SCG5: variants seen among roughly 807,000 people sequenced by gnomAD.
The protein encoded by SCG5 is neuroendocrine protein 7B2.
In SCG5, 18 loss-of-function variants were observed where a neutral mutation model predicts 25.7. That is an observed-to-expected ratio of 0.70 (90% confidence interval 0.48 to 1.04). The LOEUF is 1.04. SCG5 is among the 50% of genes least tolerant of loss of function. SCG5 has a pLI of 0.00. For missense variants in SCG5, 206 were observed against 259.8 expected (o/e 0.79, Z 1.42); for synonymous variants, 101 against 91.7 (o/e 1.10, Z -0.58).
At chr15:32,646,855 A>G (rs113889599) in intron 2 of SCG5, among the ~76,000 whole-genome samples, 2 of 152,324 alleles carry the variant, frequency 1.3e-5, no homozygotes, top group Non-Finnish European at 2.9e-5. Context: ...TGACAGACAC[A>G]TGGAGTATCT....
chr15:32,663,380 T>A (rs976211315), intron 2 of SCG5, among the ~76,000 whole-genome samples: 1 of 151,926 alleles, frequency 6.6e-6, no homozygotes, highest in Non-Finnish European at 1.5e-5. Flanking sequence ...GTCTGTGAAT[T>A]TGCCTCTTCT....
intron 2 of SCG5, among the ~76,000 whole-genome samples, chr15:32,649,413 G>A (rs1020730045): frequency 6.6e-6 from 1 of 152,194 alleles, no homozygotes; most frequent in Admixed American, 6.5e-5. Context: ...GAGCAAAAAT[G>A]TCTGTTATCT....
At position 32,667,566 on chromosome 15, in the gene SCG5, C is replaced by T. The variant is rs995413430; in HGVS notation, c.227-12200C>T. On this transcript the variant is annotated intron_variant, in intron 2 of 5. Transcript: ENST00000300175. ...ATCACTGTCCACACAGCTTTGTGGC[C>T]GCCTTTGAGTCTATCTCTTTTAACA... Among the ~76,000 whole-genome samples the T allele has an allele frequency of 4.6e-5, 7 of 152,330 alleles. No individual in the cohort carries two copies. The East Asian group carries it at 7.7e-4, about 17-fold the overall frequency.
chr15:32,667,150 A>G (rs1300558275), intron 2 of SCG5, among the ~76,000 whole-genome samples: 1 of 152,198 alleles, frequency 6.6e-6, no homozygotes, highest in Admixed American at 6.5e-5. Context: ...TTGAAGTGAG[A>G]AGACTAGACA....
chr15:32,652,887 T>G (rs934673701), intron 2 of SCG5, among the ~76,000 whole-genome samples: 5 of 152,370 alleles, frequency 3.3e-5, no homozygotes, highest in Middle Eastern at 3.4e-3. Flanking sequence ...TTACTTTTTA[T>G]AACTCCTAGA....
At chr15:32,674,922 CAAA>C (rs1429362051) in intron 2 of SCG5, among the ~76,000 whole-genome samples, 1 of 152,186 alleles carries the variant, frequency 6.6e-6, no homozygotes, top group Non-Finnish European at 1.5e-5. Flanking sequence ...GGTTCTGACT[CAAA>C]TAAGACCAAC....
intron 5 of SCG5, chr15:32,692,298 T>C: frequency 1.0e-6 from 1 of 984,268 alleles, no homozygotes; most frequent in Non-Finnish European, 1.2e-6. Context: ...ATCTACTAGA[T>C]CTGTAATATT....
intron 2 of SCG5, among the ~76,000 whole-genome samples, chr15:32,660,402 C>A (rs144007787): frequency 5.3e-5 from 8 of 152,326 alleles, no homozygotes; most frequent in Non-Finnish European, 1.2e-4. Context: ...CAGGTCAGAT[C>A]ACCTCCCTCA....
intron 3 of SCG5, among the ~76,000 whole-genome samples, chr15:32,682,921 C>T (rs192738508): frequency 3.3e-5 from 5 of 152,246 alleles, no homozygotes; most frequent in Admixed American, 2.6e-4. Context: ...TTTTTAAGCC[C>T]GGAGACACCT....
intron 2 of SCG5, among the ~76,000 whole-genome samples, chr15:32,660,077 G>A (rs1567074889): frequency 6.6e-6 from 1 of 152,254 alleles, no homozygotes; most frequent in Non-Finnish European, 1.5e-5. Flanking sequence ...AATATTGGAA[G>A]GATTATTTTT....
intron 2 of SCG5, among the ~76,000 whole-genome samples, chr15:32,647,619 C>A (rs1184297869): frequency 6.6e-6 from 1 of 152,096 alleles, no homozygotes; most frequent in Admixed American, 6.6e-5. Context: ...CCTCACATGC[C>A]AATTGTACTT....
At chr15:32,659,092 C>A (rs999096495) in intron 2 of SCG5, among the ~76,000 whole-genome samples, 4 of 152,030 alleles carry the variant, frequency 2.6e-5, no homozygotes, top group Non-Finnish European at 5.9e-5. Flanking sequence ...AGGAGAATGG[C>A]GAGAACCTGG....
chr15:32,677,523 G>A (rs998803436), intron 2 of SCG5: 2 of 152,242 alleles, frequency 1.3e-5, no homozygotes, highest in Non-Finnish European at 2.9e-5. Context: ...CCAGGGACAA[G>A]GGAGCCTCAT....
In SCG5 at chr15:32,691,720, T is replaced by C; in HGVS notation, c.500T>C (p.Leu167Pro). The change falls in exon 5 of 6, where the codon CTC becomes CCC. Residue 167 changes from leucine to proline, a missense_variant. Transcript: ENST00000300175. ...YPGLGKWNKK[L>P]LYEKMKGGER... ...TTCTCCCCATTCTAGAACAAGAAACTCCTTTACGAGAAGATGAAGGGAGGA... is the reference window on the plus strand; with the variant it reads ...TTCTCCCCATTCTAGAACAAGAAACCCCTTTACGAGAAGATGAAGGGAGGA... 6.2e-7 allele frequency: 1 copy of C among 1,609,162 alleles called. No homozygotes were observed.
intron 2 of SCG5, among the ~76,000 whole-genome samples, chr15:32,661,394 C>T (rs1358737564): frequency 9.9e-5 from 15 of 152,154 alleles, no homozygotes; most frequent in Admixed American, 1.3e-4. Context: ...CCGAGGCGGG[C>T]GGATCACCTG....
intron 2 of SCG5, among the ~76,000 whole-genome samples, chr15:32,670,309 G>GT (rs1254722628): frequency 6.6e-6 from 1 of 152,262 alleles, no homozygotes; most frequent in Non-Finnish European, 1.5e-5. Context: ...ATGTGGGGCA[G>GT]TCCCTGTGAG....
At chr15:32,665,888 G>A (rs1431420753) in intron 2 of SCG5, 1 of 152,026 alleles carries the variant, frequency 6.6e-6, no homozygotes, top group East Asian at 1.9e-4. Flanking sequence ...GCTCTTCCCT[G>A]GTAATTTCAA....
In SCG5 at chr15:32,696,816, G is replaced by A; in HGVS notation, c.*207G>A. 1 of 414,866 alleles carries A rather than the reference G, an allele frequency of 2.4e-6. No individual in the cohort carries two copies. Among genetic ancestry groups the A allele is most frequent in the Non-Finnish European group, 4.3e-6 (1 of 232,054 alleles). 25.7% of individuals were successfully genotyped at this position (414,866 alleles called of 1,614,324 possible). On this transcript the variant is annotated 3_prime_UTR_variant, in exon 6 of 6. Coordinates refer to ENST00000300175, the MANE Select transcript of SCG5 (RefSeq NM_001144757.3). ...AGAATAAGAGCTTTTTTGTTTCTTGGGTTTTTAAAATGTGAATCTGCAATG... is the reference window on the plus strand; with the variant it reads ...AGAATAAGAGCTTTTTTGTTTCTTGAGTTTTTAAAATGTGAATCTGCAATG...
intron 2 of SCG5, among the ~76,000 whole-genome samples, chr15:32,658,915 G>A (rs1029190516): frequency 6.6e-6 from 1 of 152,190 alleles, no homozygotes; most frequent in East Asian, 1.9e-4. Context: ...GGTGGCTTAT[G>A]CCCGTAATCC....
Sources: gnomAD v4.1 joint callset for allele counts (sites outside exome capture counted in the v4.1 genomes callset) on GRCh38, gnomAD v4.1.1 for gene constraint, MANE v1.5 for transcripts, NCBI Gene and HGNC (gene_info 2026-07-23, HGNC 2026-07-21) for gene names.